Variants in FMO5 observed in about 807,000 individuals in gnomAD.
The protein encoded by FMO5 is flavin-containing monooxygenase 5.
A neutral mutation model predicts 43.6 loss-of-function variants in FMO5; 51 were observed. That is an observed-to-expected ratio of 1.17 (90% CI 0.93 to 1.48). FMO5 has a LOEUF of 1.48. Among genes scored for constraint, FMO5 ranks in the 40% most tolerant of loss-of-function variants. The probability of loss-of-function intolerance (pLI) is 0.00; values close to 1 mark genes in which losing one functional copy is unlikely to be tolerated. For synonymous variants in FMO5, 187 were observed against 216.5 expected (o/e 0.86, Z 1.20); for missense variants, 644 against 643.0 (o/e 1.00, Z -0.02).
At chr1:147,198,038 T>C (rs1422162720) in intron 7 of FMO5, among the ~76,000 whole-genome samples, 1 of 152,098 alleles carries the variant, frequency 6.6e-6, no homozygotes, top group Non-Finnish European at 1.5e-5. Flanking sequence ...CTAAAGCAGG[T>C]TGTATCTGTG....
At chr1:147,213,522 G>A (rs1208727211) in intron 3 of FMO5, 52 bp from the exon 4 acceptor site, 1 of 1,494,698 alleles carries the variant, frequency 6.7e-7, no homozygotes, top group Non-Finnish European at 9.0e-7. Flanking sequence ...GACTCTCCTT[G>A]CATAGTGTTA....
intron 7 of FMO5, among the ~76,000 whole-genome samples, chr1:147,200,802 G>C (rs1227804463): frequency 6.6e-6 from 1 of 152,092 alleles, no homozygotes; most frequent in Non-Finnish European, 1.5e-5. Context: ...ATATATGCCA[G>C]TTGCCTAAAA....
intron 2 of FMO5, among the ~76,000 whole-genome samples, chr1:147,222,829 A>C (rs6670503): frequency 0.44 from 67,203 of 152,060 alleles, 15,491 homozygotes; most frequent in East Asian, 0.7. Context: ...CTTGATAATC[A>C]GACAAGATGA....
intron 7 of FMO5, among the ~76,000 whole-genome samples, chr1:147,191,986 T>C (rs1345293527): frequency 5.9e-5 from 9 of 152,160 alleles, no homozygotes; most frequent in East Asian, 5.8e-4. Flanking sequence ...ATTGACTTGG[T>C]GATGCGGGCT....
chr1:147,213,937 A>G (rs925655018), intron 3 of FMO5, among the ~76,000 whole-genome samples: 1 of 152,208 alleles, frequency 6.6e-6, no homozygotes, highest in Admixed American at 6.5e-5. Context: ...GGTAGGGTAG[A>G]AAAACACCTC....
At chr1:147,216,689 G>A (rs1186431369) in intron 2 of FMO5, among the ~76,000 whole-genome samples, 4 of 152,100 alleles carry the variant, frequency 2.6e-5, no homozygotes, top group African/African-American at 9.7e-5. Flanking sequence ...TGAAATTTGA[G>A]AACCACTGCT....
At chr1:147,189,254 CAG>C (rs1207210006) in intron 8 of FMO5, among the ~76,000 whole-genome samples, 1 of 146,512 alleles carries the variant, frequency 6.8e-6, no homozygotes, top group Non-Finnish European at 1.5e-5. Flanking sequence ...GCCTGAGTGA[CAG>C]AGTGAGACTC....
intron 7 of FMO5, 115 bp downstream of exon 7, chr1:147,201,037 G>A (rs1658874657): frequency 2.7e-6 from 2 of 741,396 alleles, no homozygotes; most frequent in Admixed American, 2.7e-5. Context: ...TACTAACTTT[G>A]TGCTAGGCAC....
At chr1:147,197,497 G>A (rs587632684) in intron 7 of FMO5, among the ~76,000 whole-genome samples, 3 of 152,074 alleles carry the variant, frequency 2.0e-5, no homozygotes, top group Non-Finnish European at 4.4e-5. Context: ...GGAGGGGCCT[G>A]GTGGGAGGTG....
chr1:147,216,071 G>T lies in FMO5; in HGVS notation c.136-129C>A, dbSNP rs748521239. ...ATCACACACACACCTTCCAGTATTT[G>T]TGCCCTTATGTAGTCCCTTCCCCTT... On this transcript the variant is annotated intron_variant, in intron 2 of 8. Transcript: ENST00000254090. 13 of 635,978 alleles carry T rather than the reference G, an allele frequency of 2.0e-5. No homozygotes were observed. The African/African-American group carries it at 2.4e-4, about 12-fold the overall frequency. 39.4% of individuals were successfully genotyped at this position (635,978 alleles called of 1,614,324 possible).
At chr1:147,191,025 A>G (rs1431475966) in intron 7 of FMO5, among the ~76,000 whole-genome samples, 1 of 152,076 alleles carries the variant, frequency 6.6e-6, no homozygotes, top group Non-Finnish European at 1.5e-5. Context: ...TTCATTTTTT[A>G]TGGCTGCATA....
rs28381218 is a variant in FMO5 at position 147,190,235 on chromosome 1, G to T, written c.1198C>A (p.Pro400Thr). ...TCTGCCATCATTTCACTCTGTGAGG[G>T]CAATGTCTTTAGACCTAAAAACAAA... ...TQVFKGLKTLPSQSEMMAEIS... is the reference protein window; with the variant it reads ...TQVFKGLKTLTSQSEMMAEIS... The change falls in exon 8 of 9, where the codon CCC becomes ACC. Residue 400 changes from proline to threonine, a missense_variant. Transcript: ENST00000254090. 1 of 1,608,534 alleles carries T rather than the reference G, an allele frequency of 6.2e-7. No individual in the cohort carries two copies. The highest frequency in any genetic ancestry group is 8.5e-7 in the Non-Finnish European group (1 of 1,176,178).
At chr1:147,227,280 A>G (rs181641869), upstream of FMO5, among the ~76,000 whole-genome samples, 171 of 152,382 alleles carry the variant, frequency 1.1e-3, 1 homozygote, top group African/African-American at 3.8e-3. Context: ...AAAATGAATT[A>G]CTTGTAAATT....
At chr1:147,214,087 C>CCCTACTTAGGTGTTT (rs1661525113) in intron 3 of FMO5, among the ~76,000 whole-genome samples, 1 of 152,118 alleles carries the variant, frequency 6.6e-6, no homozygotes, top group Admixed American at 6.6e-5. Context: ...ATATGGGTTA[C>CCCTACTTAGGTGTTT]CCTACTTAGG....
At chr1:147,187,791 T>C (rs1655892263) in intron 8 of FMO5, among the ~76,000 whole-genome samples, 1 of 152,198 alleles carries the variant, frequency 6.6e-6, no homozygotes. Flanking sequence ...ATGAAATTAT[T>C]ACACCAAGTG....
intron 2 of FMO5, chr1:147,223,466 G>A (rs1019831972): frequency 4.6e-5 from 7 of 152,210 alleles, no homozygotes; most frequent in Non-Finnish European, 1.0e-4. Context: ...AATATGAAAC[G>A]TAAAACTTAT....
chr1:147,212,495 G>A lies in FMO5; in HGVS notation c.528C>T (p.Asp176=). The A allele has an allele frequency of 6.2e-7, 1 of 1,613,812 alleles. No homozygotes were observed. ...CAGTGAATCCCTCTGGGTTCTTATA[G>A]TCTCGACTGTGGAAGTACTGCCCTT... ...KFKGQYFHSR[D]YKNPEGFTGK... The change falls in exon 5 of 9, where the codon GAC becomes GAT. Residue 176 remains aspartate (D), a synonymous_variant. Transcript: ENST00000254090.
At chr1:147,224,045 G>C (rs1482323015) in intron 2 of FMO5, 2 of 403,994 alleles carry the variant, frequency 5.0e-6, no homozygotes, top group East Asian at 1.7e-4. Context: ...GGATCCCATC[G>C]AGCTGGTTGT....
In FMO5 at chr1:147,208,802, T is replaced by C. The variant is rs782347593; in HGVS notation, c.830+50A>G. On this transcript the variant is annotated intron_variant, in intron 6 of 8. Transcript: ENST00000254090. ...ACTATTAGCCAGTGTGAAGAGTCCT[T>C]ATTCTTGTGCTTTGGCCACTATCCC... 14 of 1,495,304 alleles carry C rather than the reference T, an allele frequency of 9.4e-6. No individual in the cohort carries two copies. The African/African-American group carries it at 1.2e-4, about 13-fold the overall frequency. 92.6% of individuals were successfully genotyped at this position (1,495,304 alleles called of 1,614,324 possible).
Sources: gnomAD v4.1 joint callset for allele counts (sites outside exome capture counted in the v4.1 genomes callset) on GRCh38, gnomAD v4.1.1 for gene constraint, MANE v1.5 for transcripts, NCBI Gene and HGNC (gene_info 2026-07-23, HGNC 2026-07-21) for gene names.